The following KIAA0232 variants were observed in gnomAD, a reference collection of about 807,000 sequenced individuals.
KIAA0232 encodes the protein KIAA0232, also known as uncharacterized protein KIAA0232.
A neutral mutation model predicts 122.0 loss-of-function variants in KIAA0232; 27 were observed. The observed-to-expected ratio is 0.22, with a 90% CI of 0.16 to 0.31. KIAA0232 has a LOEUF of 0.31. KIAA0232 is among the 10% of genes least tolerant of loss of function. KIAA0232 has a pLI of 1.00. For missense variants in KIAA0232, 1,551 were observed against 1,634.2 expected (o/e 0.95, Z 0.88); for synonymous variants, 613 against 587.6 (o/e 1.04, Z -0.63).
chr4:6,861,838 A>T lies in KIAA0232; in HGVS notation c.1456A>T (p.Thr486Ser). The T allele has an allele frequency of 6.2e-7, 1 of 1,614,020 alleles. No individual in the cohort carries two copies. Among genetic ancestry groups the T allele is most frequent in the Non-Finnish European group, 8.5e-7 (1 of 1,179,932 alleles). ...AAATGAGGATATTGACCTCACTGGG[A>T]CCTCATTATGTTCTCTACCAGAGGA... ...VINEDIDLTG[T>S]SLCSLPEDNK... Residue 486 changes from threonine to serine, a missense_variant, in exon 7 of 10, where the codon ACC becomes TCC. Around this residue, in one of 5 missense-constraint regions of KIAA0232, gnomAD observed 1,108 missense variants for 1,154.8 expected, o/e 0.96. Transcript: ENST00000307659.
intron 3 of KIAA0232, among the ~76,000 whole-genome samples, chr4:6,838,984 C>T (rs1178533209): frequency 1.3e-5 from 2 of 152,166 alleles, no homozygotes; most frequent in Admixed American, 1.3e-4. Context: ...CAGAAATTAG[C>T]CAGGTGTGGT....
chr4:6,836,528 C>CTTTTTTT (rs1323217192), intron 3 of KIAA0232, among the ~76,000 whole-genome samples: 19 of 95,590 alleles, frequency 2.0e-4, no homozygotes, highest in Middle Eastern at 6.2e-3. Context: ...TGTCCTTTTT[C>CTTTTTTT]TTTTTTTTTT....
intron 8 of KIAA0232, among the ~76,000 whole-genome samples, chr4:6,874,103 G>A (rs1166976885): frequency 3.3e-5 from 5 of 152,218 alleles, no homozygotes; most frequent in African/African-American, 9.7e-5. Context: ...GCTTGTTCAG[G>A]TAACCATATA....
chr4:6,790,915 CTTTT>C (rs35766310), intron 1 of KIAA0232, among the ~76,000 whole-genome samples: 95 of 92,938 alleles, frequency 1.0e-3, no homozygotes, highest in African/African-American at 3.9e-3. Context: ...TTTTTATATA[CTTTT>C]TTTTTTTTTT....
chr4:6,822,270 G>A (rs1425635511), intron 2 of KIAA0232, among the ~76,000 whole-genome samples: 1 of 152,266 alleles, frequency 6.6e-6, no homozygotes, highest in African/African-American at 2.4e-5. Flanking sequence ...AGATAATATA[G>A]TAGAGAGGAT....
Position 6,844,900 on chromosome 4 carries a change from A to C in KIAA0232, c.369+2696A>C, listed in dbSNP as rs572874785. ...AGAAATATATGTAAAGGATACAGGG[A>C]TATCTCACTGAAGCCAAGTGCTAAA... On this transcript the variant is annotated intron_variant, in intron 4 of 9. Coordinates refer to ENST00000307659, the MANE Select transcript of KIAA0232 (RefSeq NM_014743.3). 2.6e-5 allele frequency among the ~76,000 whole-genome samples: 4 copies of C among 152,238 alleles called. No homozygotes were observed. In the East Asian group the frequency reaches 7.7e-4, roughly 29 times the overall value.
intron 2 of KIAA0232, among the ~76,000 whole-genome samples, chr4:6,806,517 A>G (rs1157673635): frequency 1.3e-5 from 2 of 151,924 alleles, no homozygotes; most frequent in African/African-American, 4.8e-5. Context: ...GGTGGATCAC[A>G]AGGTCAGGAA....
intron 1 of KIAA0232, among the ~76,000 whole-genome samples, chr4:6,795,006 A>G (rs1717066741): frequency 6.6e-6 from 1 of 152,134 alleles, no homozygotes. Flanking sequence ...GGTATTTATA[A>G]TCATGGGACT....
chr4:6,875,083 A>G (rs1006734349), intron 8 of KIAA0232, among the ~76,000 whole-genome samples: 2 of 152,224 alleles, frequency 1.3e-5, no homozygotes, highest in African/African-American at 4.8e-5. Context: ...CAGCCAAGGA[A>G]AAGATGCCTC....
intron 1 of KIAA0232, among the ~76,000 whole-genome samples, chr4:6,797,256 C>T (rs1203124664): frequency 6.6e-6 from 1 of 152,130 alleles, no homozygotes; most frequent in African/African-American, 2.4e-5. Context: ...CAAAAGATGA[C>T]GTTGAAAAAG....
At position 6,880,752 on chromosome 4, in the gene KIAA0232, T is replaced by A. The variant is rs552244826; in HGVS notation, c.4009-35T>A. The A allele has an allele frequency of 4.0e-5, 57 of 1,439,264 alleles. No individual in the cohort carries two copies. In the South Asian group the frequency reaches 8.8e-4, roughly 22 times the overall value. 89.2% of individuals were successfully genotyped at this position (1,439,264 alleles called of 1,614,324 possible). ...TCTCACCCTTTTGGGGAAAAAAAAG[T>A]CTTTTTGATGTGTTGAAAATTGTTT... is the stretch of plus-strand genomic sequence containing the variant. On this transcript the variant is annotated intron_variant, in intron 9 of 9. Transcript: ENST00000307659.
At chr4:6,849,629 A>G (rs1412187035) in intron 4 of KIAA0232, among the ~76,000 whole-genome samples, 2 of 152,128 alleles carry the variant, frequency 1.3e-5, no homozygotes, top group Non-Finnish European at 2.9e-5. Flanking sequence ...CAAAGAAAAA[A>G]TTAGCCGGAT....
At chr4:6,783,672 G>T (rs1359508292) in intron 1 of KIAA0232, among the ~76,000 whole-genome samples, 2 of 150,276 alleles carry the variant, frequency 1.3e-5, no homozygotes, top group East Asian at 3.9e-4. Flanking sequence ...CTGGCGCGCC[G>T]GCCTATGGCG....
intron 1 of KIAA0232, among the ~76,000 whole-genome samples, chr4:6,791,521 G>GT (rs1333375076): frequency 6.6e-6 from 1 of 151,536 alleles, no homozygotes; most frequent in Non-Finnish European, 1.5e-5. Flanking sequence ...TAGAGATGGG[G>GT]TTTTACCACG....
intron 8 of KIAA0232, among the ~76,000 whole-genome samples, chr4:6,873,975 A>G (rs539510812): frequency 6.6e-6 from 1 of 152,274 alleles, no homozygotes. Context: ...ATGATTCATC[A>G]CAAGCAGTTG....
At chr4:6,791,594 G>T (rs1322790564) in intron 1 of KIAA0232, among the ~76,000 whole-genome samples, 1 of 152,056 alleles carries the variant, frequency 6.6e-6, no homozygotes. Flanking sequence ...CTCCCAAAAT[G>T]CTGGGATTAC....
rs1290826073 is a variant in KIAA0232 at position 6,884,145 on chromosome 4, AT to A, written c.*3180del. 6.6e-6 allele frequency: 1 copy of A among 152,188 alleles called. No individual in the cohort carries two copies. The highest frequency in any genetic ancestry group is 2.4e-5 in the African/African-American group (1 of 41,454). The allele number at this position is 152,188 out of a possible 1,614,324, so 9.4% of individuals were successfully genotyped here. A position where few individuals can be genotyped will look rare whatever the true frequency, so the allele number is the denominator to read the frequency against. The stretch of plus-strand genomic sequence containing the variant: ...CATGGAAAATGGAATTAAAAGAAAA[AT>A]AAAAAAATATAAACTTTATTTCTCA... On this transcript the variant is annotated 3_prime_UTR_variant, in exon 10 of 10. Coordinates refer to ENST00000307659, the MANE Select transcript of KIAA0232 (RefSeq NM_014743.3).
At position 6,876,707 on chromosome 4, in the gene KIAA0232, G is replaced by C. The variant is rs747053033; in HGVS notation, c.3958G>C (p.Asp1320His). Residue 1320 changes from aspartate (D) to histidine (H), a missense_variant, in exon 9 of 10, where the codon GAT (aspartate) becomes CAT (histidine). Asp to His is a moderately conservative substitution (Grantham distance 81). Transcript: ENST00000307659. Reference protein sequence around the residue: ...KGESGLEEYPDAKETPSNEER... With the variant: ...KGESGLEEYPHAKETPSNEER... ...AGAGAGTGGTTTAGAAGAATATCCA[G>C]ATGCTAAAGAGACACCCAGTAATGA... 1.2e-6 allele frequency: 2 copies of C among 1,613,442 alleles called. No homozygotes were observed. Among genetic ancestry groups the C allele is most frequent in the Non-Finnish European group, 1.7e-6 (2 of 1,179,414 alleles).
chr4:6,839,033 C>A (rs951801895), intron 3 of KIAA0232, among the ~76,000 whole-genome samples: 1 of 151,994 alleles, frequency 6.6e-6, no homozygotes. Context: ...GGCTAAGGCA[C>A]GAGAATCTCT....
Sources: allele counts gnomAD v4.1 joint callset (sites outside exome capture counted in the v4.1 genomes callset), GRCh38; gene constraint gnomAD v4.1.1; regional missense constraint gnomAD v4.1.1; transcripts MANE v1.5; gene names NCBI Gene and HGNC (gene_info 2026-07-23, HGNC 2026-07-21).